Variants in FYB1 observed in about 807,000 individuals in gnomAD.
FYB1 encodes the protein FYN-binding protein 1.
FYB1 carries 41 observed loss-of-function variants against 94.1 expected under a neutral mutation model. That is an observed-to-expected ratio of 0.44 (90% CI 0.34 to 0.57). FYB1 has a LOEUF of 0.57. FYB1 is among the 20% of genes least tolerant of loss of function. The probability of loss-of-function intolerance (pLI) is 0.02; values close to 1 mark genes in which losing one functional copy is unlikely to be tolerated. For synonymous variants in FYB1, 367 were observed against 353.2 expected (o/e 1.04, Z -0.44); for missense variants, 1,050 against 976.8 (o/e 1.07, Z -1.00).
chr5:39,147,827 C>A (rs1234103757), intron 3 of FYB1, among the ~76,000 whole-genome samples: 1 of 151,234 alleles, frequency 6.6e-6, no homozygotes, highest in Non-Finnish European at 1.5e-5. Context: ...ACTGCAGGCG[C>A]CCGCCACCAC....
Position 39,202,639 on chromosome 5 carries a change from C to T in FYB1, c.322G>A (p.Gly108Arg). 8 of 1,613,792 alleles carry T rather than the reference C, an allele frequency of 5.0e-6. No individual in the cohort carries two copies. Among genetic ancestry groups the T allele is most frequent in the Non-Finnish European group, 6.8e-6 (8 of 1,179,848 alleles). ...LTTRDPEAKV[G>R]FLKPVGPKPI... is the part of the protein sequence containing the mutation. ...TTGGGGCCTACAGGTTTCAGAAATC[C>T]CACTTTCGCCTCGGGGTCTCTGGTG... The change falls in exon 2 of 19, where the codon GGA (glycine) becomes AGA (arginine). Residue 108 changes from glycine to arginine, a missense_variant. Coordinates refer to ENST00000512982, the MANE Select transcript of FYB1 (RefSeq NM_001465.6).
intron 1 of FYB1, chr5:39,212,878 A>T (rs1039362990): frequency 1.3e-5 from 2 of 152,052 alleles, no homozygotes; most frequent in Non-Finnish European, 2.9e-5. Context: ...TCATGGATTC[A>T]TTCATTTTCT....
chr5:39,195,800 T>C (rs1460836457), intron 2 of FYB1, among the ~76,000 whole-genome samples: 1 of 152,202 alleles, frequency 6.6e-6, no homozygotes, highest in Non-Finnish European at 1.5e-5. Context: ...TGGTGAGGCA[T>C]TGTGTTGACA....
chr5:39,270,426 A>G, intron 1 of FYB1: 1 of 632,828 alleles, frequency 1.6e-6, no homozygotes, highest in South Asian at 2.3e-5. Flanking sequence ...CAGCTTCATC[A>G]GCACAAGGAA....
At chr5:39,184,233 A>C (rs1366712196) in intron 2 of FYB1, among the ~76,000 whole-genome samples, 1 of 152,238 alleles carries the variant, frequency 6.6e-6, no homozygotes, top group African/African-American at 2.4e-5. Context: ...TTATAATTCA[A>C]CCAACTGATC....
intron 1 of FYB1, among the ~76,000 whole-genome samples, chr5:39,239,603 T>C (rs1367768652): frequency 2.6e-5 from 4 of 151,770 alleles, no homozygotes; most frequent in Non-Finnish European, 5.9e-5. Flanking sequence ...CAGCTAACCA[T>C]AGAGGGGAAA....
chr5:39,128,227 T>C (rs1455293084), intron 10 of FYB1, among the ~76,000 whole-genome samples: 1 of 152,106 alleles, frequency 6.6e-6, no homozygotes, highest in Non-Finnish European at 1.5e-5. Context: ...AATTTGTAAA[T>C]ATTGATGGTA....
intron 2 of FYB1, among the ~76,000 whole-genome samples, chr5:39,167,473 C>A (rs987732298): frequency 6.6e-6 from 1 of 152,058 alleles, no homozygotes; most frequent in Admixed American, 6.6e-5. Context: ...GTTTACTGAC[C>A]TTTGTATGTA....
At chr5:39,226,628 GCATTCTACATCTT>G (rs1248324677) in intron 1 of FYB1, among the ~76,000 whole-genome samples, 1 of 152,140 alleles carries the variant, frequency 6.6e-6, no homozygotes, top group Non-Finnish European at 1.5e-5. Flanking sequence ...TCGTATGATA[GCATTCTACATCTT>G]CATTCTACTA....
intron 14 of FYB1, among the ~76,000 whole-genome samples, chr5:39,122,061 A>G (rs1366133528): frequency 6.6e-6 from 1 of 152,080 alleles, no homozygotes; most frequent in African/African-American, 2.4e-5. Context: ...CACAGGCCCA[A>G]GGTTAATCAG....
intron 2 of FYB1, among the ~76,000 whole-genome samples, chr5:39,193,787 T>A (rs1747578812): frequency 1.3e-5 from 2 of 152,024 alleles, no homozygotes; most frequent in South Asian, 4.2e-4. Flanking sequence ...CTGAATGAGA[T>A]CTCAGAAAAT....
chr5:39,269,379 C>A (rs551745812), intron 1 of FYB1, among the ~76,000 whole-genome samples: 1 of 151,972 alleles, frequency 6.6e-6, no homozygotes, highest in East Asian at 1.9e-4. Context: ...GAATCCCGGA[C>A]CTAAAGACCA....
intron 2 of FYB1, among the ~76,000 whole-genome samples, chr5:39,191,456 G>A (rs1747353138): frequency 6.6e-6 from 1 of 152,148 alleles, no homozygotes; most frequent in African/African-American, 2.4e-5. Flanking sequence ...TTGGGGAGAA[G>A]GAAACCTCGT....
chr5:39,111,973 G>A (rs1415528600), intron 16 of FYB1, among the ~76,000 whole-genome samples: 4 of 151,872 alleles, frequency 2.6e-5, no homozygotes, highest in African/African-American at 9.7e-5. Flanking sequence ...TGATATCACA[G>A]TTCATTTCAT....
chr5:39,229,760 G>A (rs1247960366), intron 1 of FYB1, among the ~76,000 whole-genome samples: 1 of 152,142 alleles, frequency 6.6e-6, no homozygotes, highest in East Asian at 1.9e-4. Context: ...AAAGTGAGTT[G>A]CCTAAAAGGC....
At chr5:39,203,739 A>G (rs1748592270) in intron 1 of FYB1, among the ~76,000 whole-genome samples, 1 of 152,180 alleles carries the variant, frequency 6.6e-6, no homozygotes, top group African/African-American at 2.4e-5. Context: ...TAATAGGGAC[A>G]GGCTGTCAGT....
rs1435316140 is a variant in FYB1 at position 39,261,383 on chromosome 5, TAGAC to T, written c.-28+13016_-28+13019del. ...ACACACACACACACAAAGAAATTGT[TAGAC>T]AGCAGGCAAGAGTTATGTGTACCCG... On this transcript the variant is annotated intron_variant, in intron 1 of 1. Transcript: ENST00000510188. Among the ~76,000 whole-genome samples, 6 of 124,398 alleles carry T rather than the reference TAGAC, an allele frequency of 4.8e-5. No homozygotes were observed. In the East Asian group the frequency reaches 1.4e-3, roughly 29 times the overall value. The allele number at this position is 124,398 out of a possible 152,430, so 81.6% of individuals were successfully genotyped here.
At chr5:39,170,483 A>G (rs1352087032) in intron 2 of FYB1, 2 of 330,712 alleles carry the variant, frequency 6.0e-6, no homozygotes, top group Non-Finnish European at 1.1e-5. Flanking sequence ...CTGATTCCCT[A>G]CATCCAATAC....
intron 2 of FYB1, among the ~76,000 whole-genome samples, chr5:39,154,657 C>T (rs2150362082): frequency 6.6e-6 from 1 of 152,166 alleles, no homozygotes; most frequent in South Asian, 2.1e-4. Flanking sequence ...TAGGTGCCTG[C>T]CACCATGCCC....
Sources: allele counts gnomAD v4.1 joint callset (sites outside exome capture counted in the v4.1 genomes callset), GRCh38; gene constraint gnomAD v4.1.1; transcripts MANE v1.5; gene names NCBI Gene and HGNC (gene_info 2026-07-23, HGNC 2026-07-21).